MBTPS1: variants seen among roughly 807,000 people sequenced by gnomAD.
MBTPS1 encodes the protein membrane-bound transcription factor site-1 protease.
A neutral mutation model predicts 127.8 loss-of-function variants in MBTPS1; 94 were observed. That is an observed-to-expected ratio of 0.74 (90% CI 0.62 to 0.87). MBTPS1 has a LOEUF of 0.87. MBTPS1 is among the 40% of genes least tolerant of loss of function. The probability of loss-of-function intolerance (pLI) is 0.00; values close to 1 mark genes in which losing one functional copy is unlikely to be tolerated. For missense variants in MBTPS1, 1,636 were observed against 1,353.2 expected, an observed-to-expected ratio of 1.21 and a Z score of -3.28; for synonymous variants, 632 against 509.4, an observed-to-expected ratio of 1.24 and a Z score of -3.24.
At chr16:84,078,550 T>C (rs190211507) in intron 11 of MBTPS1, among the ~76,000 whole-genome samples, 1 of 152,322 alleles carries the variant, frequency 6.6e-6, no homozygotes, top group Non-Finnish European at 1.5e-5. Flanking sequence ...GGTAAATTTT[T>C]AGCAATTTAC....
intron 1 of MBTPS1, among the ~76,000 whole-genome samples, 166 bp downstream of exon 1, chr16:84,116,569 T>C (rs2086482578): frequency 6.6e-6 from 1 of 152,150 alleles, no homozygotes; most frequent in African/African-American, 2.4e-5. Context: ...ACAGGCACGC[T>C]GTGTCCAAAC....
At chr16:84,110,026 C>G (rs539312807) in intron 1 of MBTPS1, among the ~76,000 whole-genome samples, 94 of 152,196 alleles carry the variant, frequency 6.2e-4, no homozygotes, top group African/African-American at 2.2e-3. Context: ...AGCCTGTTTC[C>G]AAAACAGGCA....
chr16:84,070,783 G>C lies in MBTPS1; in HGVS notation c.1594-7C>G. On this transcript the variant is annotated splice_polypyrimidine_tract_variant and splice_region_variant and intron_variant, in intron 12 of 22. Coordinates refer to ENST00000343411, the MANE Select transcript of MBTPS1 (RefSeq NM_003791.4). Reference sequence around the variant, plus strand: ...AATAGGGCTGCCAGTCAGGCTGCAGGAAAAAGAAATCAGACAAAGGCTAAA... The same window carrying C: ...AATAGGGCTGCCAGTCAGGCTGCAGCAAAAAGAAATCAGACAAAGGCTAAA... The C allele has an allele frequency of 6.3e-7, 1 of 1,594,330 alleles. No individual in the cohort carries two copies. The highest frequency in any genetic ancestry group is 1.1e-5 in the South Asian group (1 of 89,132).
chr16:84,115,219 C>A (rs1476391947), intron 1 of MBTPS1, among the ~76,000 whole-genome samples: 1 of 152,216 alleles, frequency 6.6e-6, no homozygotes, highest in African/African-American at 2.4e-5. Flanking sequence ...AGCCACCGCG[C>A]CCGGCCCAGC....
intron 8 of MBTPS1, among the ~76,000 whole-genome samples, chr16:84,089,892 A>C (rs952487715): frequency 2.6e-5 from 4 of 152,166 alleles, no homozygotes; most frequent in African/African-American, 7.2e-5. Flanking sequence ...AGACAAGAAC[A>C]CCTGACGAGA....
intron 1 of MBTPS1, among the ~76,000 whole-genome samples, chr16:84,108,331 C>G (rs1389022734): frequency 3.9e-5 from 6 of 152,202 alleles, no homozygotes; most frequent in Admixed American, 3.9e-4. Flanking sequence ...ATGGCACGAC[C>G]TCTGCTCACT....
chr16:84,096,538 G>A (rs2086182278), intron 3 of MBTPS1, among the ~76,000 whole-genome samples: 1 of 152,190 alleles, frequency 6.6e-6, no homozygotes, highest in South Asian at 2.1e-4. Context: ...AATGGCCTAA[G>A]GGTTTTCCCT....
chr16:84,068,116 T>C (rs1409108492), intron 15 of MBTPS1, among the ~76,000 whole-genome samples: 1 of 152,050 alleles, frequency 6.6e-6, no homozygotes, highest in Non-Finnish European at 1.5e-5. Flanking sequence ...GAAAAAAGAG[T>C]ACGAATGTCC....
chr16:84,059,210 G>C lies in MBTPS1; in HGVS notation c.2831+92C>G, dbSNP rs1421123355. 5 of 1,473,576 alleles carry C rather than the reference G, an allele frequency of 3.4e-6. No individual in the cohort carries two copies. In the African/African-American group the frequency reaches 4.2e-5, roughly 12 times the overall value. The allele number at this position is 1,473,576 out of a possible 1,614,324, so 91.3% of individuals were successfully genotyped here. On this transcript the variant is annotated intron_variant, in intron 21 of 22. Transcript: ENST00000343411. ...AGCTTGAAGATCTGACAATTCGATA[G>C]TGATGTCAGTAAAATTCCATTCTCT...
intron 1 of MBTPS1, among the ~76,000 whole-genome samples, chr16:84,108,191 A>C (rs2086351197): frequency 6.6e-6 from 1 of 152,106 alleles, no homozygotes; most frequent in Non-Finnish European, 1.5e-5. Flanking sequence ...ACTGAGAGGT[A>C]AGCAGACAAG....
chr16:84,063,735 G>C (rs1177250568), intron 18 of MBTPS1, among the ~76,000 whole-genome samples: 3 of 151,724 alleles, frequency 2.0e-5, no homozygotes, highest in South Asian at 2.1e-4. Context: ...AATTGCAAAG[G>C]TGCTGCCTCT....
chr16:84,057,382 C>T (rs1394216096), intron 21 of MBTPS1: 3 of 152,220 alleles, frequency 2.0e-5, no homozygotes, highest in Non-Finnish European at 4.4e-5. Flanking sequence ...GTTCCAGAAT[C>T]TCATTCTTTG....
At chr16:84,109,830 G>A (rs1338571645) in intron 1 of MBTPS1, among the ~76,000 whole-genome samples, 6 of 152,204 alleles carry the variant, frequency 3.9e-5, no homozygotes, top group African/African-American at 1.2e-4. Flanking sequence ...TCAGATGGTA[G>A]TGATGTATCA....
At chr16:84,077,841 C>T (rs749213907) in intron 11 of MBTPS1, among the ~76,000 whole-genome samples, 1 of 151,832 alleles carries the variant, frequency 6.6e-6, no homozygotes, top group Non-Finnish European at 1.5e-5. Context: ...GCATCCCTGA[C>T]GGAGGGTTAC....
Position 84,054,615 on chromosome 16 carries a change from A to C in MBTPS1, c.2993T>G (p.Val998Gly). The change falls in exon 23 of 23, where the codon GTG becomes GGG. Residue 998 changes from valine to glycine, a missense_variant. By Grantham distance (109) the Val-to-Gly change is moderately radical (BLOSUM62 -3). Transcript: ENST00000343411. ...GIMPGRYNQEVGQTIPVFAFL... is the reference protein window; with the variant it reads ...GIMPGRYNQEGGQTIPVFAFL... ...GGCAAAGACAGGAATGGTCTGGCCC[A>C]CCTCCTGGTTGTAGCGGCCAGGCAT... 3 of 1,610,312 alleles carry C rather than the reference A, an allele frequency of 1.9e-6. No homozygotes were observed. Among genetic ancestry groups the C allele is most frequent in the Non-Finnish European group, 2.5e-6 (3 of 1,177,990 alleles).
At chr16:84,088,879 A>C (rs778215380) in intron 8 of MBTPS1, among the ~76,000 whole-genome samples, 3 of 152,190 alleles carry the variant, frequency 2.0e-5, no homozygotes, top group Non-Finnish European at 4.4e-5. Flanking sequence ...TCACTTCAAC[A>C]GCCAGCAGGT....
chr16:84,076,825 G>C (rs1289132301), intron 11 of MBTPS1, among the ~76,000 whole-genome samples: 1 of 152,146 alleles, frequency 6.6e-6, no homozygotes, highest in African/African-American at 2.4e-5. Flanking sequence ...TTACTTCTAA[G>C]TTCATTTAAA....
In MBTPS1 at chr16:84,093,300, G is replaced by T; in HGVS notation, c.737-3C>A. ...CACGAATGTGCCATGGCCCAACCCT[G>T]CAGTCCATAAAGAAAACAATCCCAT... On this transcript the variant is annotated splice_region_variant and splice_polypyrimidine_tract_variant and intron_variant, in intron 5 of 22. Coordinates refer to ENST00000343411, the MANE Select transcript of MBTPS1 (RefSeq NM_003791.4). 1 of 1,593,372 alleles carries T rather than the reference G, an allele frequency of 6.3e-7. No homozygotes were observed. Among genetic ancestry groups the T allele is most frequent in the Non-Finnish European group, 8.6e-7 (1 of 1,161,084 alleles).
chr16:84,057,737 T>G (rs570317374), intron 21 of MBTPS1: 2 of 152,312 alleles, frequency 1.3e-5, no homozygotes, highest in African/African-American at 4.8e-5. Flanking sequence ...AAAAGCAAGA[T>G]AAATGTAAAA....
Sources: allele counts gnomAD v4.1 joint callset (sites outside exome capture counted in the v4.1 genomes callset), GRCh38; gene constraint gnomAD v4.1.1; transcripts MANE v1.5; gene names NCBI Gene and HGNC (gene_info 2026-07-23, HGNC 2026-07-21).